PPP4R2: variants seen among roughly 807,000 people sequenced by gnomAD.
PPP4R2 encodes the protein protein phosphatase 4 regulatory subunit 2.
In PPP4R2, 13 loss-of-function variants were observed where a neutral mutation model predicts 47.2. The observed-to-expected ratio is 0.28, with a 90% CI of 0.18 to 0.44. PPP4R2 has a LOEUF of 0.44. PPP4R2 is among the 20% of genes least tolerant of loss of function. The pLI, the probability that PPP4R2 is intolerant of heterozygous loss-of-function variation, is 1.00. For synonymous variants in PPP4R2, 151 were observed against 163.3 expected, an observed-to-expected ratio of 0.92 and a Z score of 0.57; for missense variants, 421 against 491.2, an observed-to-expected ratio of 0.86 and a Z score of 1.35.
At chr3:73,042,922 A>G (rs1347350037) in intron 2 of PPP4R2, among the ~76,000 whole-genome samples, 1 of 152,164 alleles carries the variant, frequency 6.6e-6, no homozygotes, top group Non-Finnish European at 1.5e-5. Context: ...AGTGCCATAG[A>G]GTCTTTGAAT....
At position 72,996,846 on chromosome 3, in the gene PPP4R2, G is replaced by C. The variant is rs905546529; in HGVS notation, c.-192G>C. The C allele has an allele frequency of 9.9e-6, 4 of 402,314 alleles. No individual in the cohort carries two copies. The highest frequency in any genetic ancestry group is 8.9e-5 in the Admixed American group (2 of 22,534). The allele number at this position is 402,314 out of a possible 1,614,324, so 24.9% of individuals were successfully genotyped here. Reference sequence around the variant, plus strand: ...TTGGAGGGTTGGTGGTAGCGGCTTGGGGAGGTGCTCGCTCTGTCGGTCTTG... The same window carrying C: ...TTGGAGGGTTGGTGGTAGCGGCTTGCGGAGGTGCTCGCTCTGTCGGTCTTG... On this transcript the variant is annotated 5_prime_UTR_variant, in exon 1 of 9. Coordinates refer to ENST00000356692, the MANE Select transcript of PPP4R2 (RefSeq NM_174907.4).
chr3:73,022,701 AAT>A, intron 2 of PPP4R2, among the ~76,000 whole-genome samples: 1 of 152,172 alleles, frequency 6.6e-6, no homozygotes, highest in African/African-American at 2.4e-5. Flanking sequence ...TCCACATTTT[AAT>A]ATCTCTGAAA....
intron 2 of PPP4R2, among the ~76,000 whole-genome samples, chr3:73,040,499 A>ATTTTTTT (rs11342756): frequency 0.091 from 10,513 of 115,974 alleles, 362 homozygotes; most frequent in East Asian, 0.25. Context: ...ATGTGACCTA[A>ATTTTTTT]TTTTTTTTTT....
chr3:73,006,425 C>T (rs150856037), intron 2 of PPP4R2, among the ~76,000 whole-genome samples: 1 of 151,994 alleles, frequency 6.6e-6, no homozygotes, highest in Non-Finnish European at 1.5e-5. Flanking sequence ...CTCCTGACCT[C>T]GTAATCCACC....
At chr3:73,060,829 TTC>T (rs1702843051) in intron 4 of PPP4R2, among the ~76,000 whole-genome samples, 192 bp from the exon 5 acceptor site, 1 of 152,168 alleles carries the variant, frequency 6.6e-6, no homozygotes, top group African/African-American at 2.4e-5. Flanking sequence ...GAGTAGGATA[TTC>T]TCTTTTGGTC....
chr3:73,052,002 T>C (rs1439315243), intron 3 of PPP4R2, among the ~76,000 whole-genome samples: 1 of 152,152 alleles, frequency 6.6e-6, no homozygotes, highest in Admixed American at 6.6e-5. Flanking sequence ...TATAAGCTTC[T>C]GGAGAGCTGG....
At chr3:73,001,728 T>G (rs1701465633) in intron 2 of PPP4R2, among the ~76,000 whole-genome samples, 1 of 152,088 alleles carries the variant, frequency 6.6e-6, no homozygotes, top group African/African-American at 2.4e-5. Context: ...ATCCCCCACC[T>G]CCTGAGTTCA....
At chr3:73,047,152 T>C in intron 2 of PPP4R2, 34 bp from the exon 3 acceptor site, 1 of 1,208,080 alleles carries the variant, frequency 8.3e-7, no homozygotes, top group Non-Finnish European at 1.2e-6. Context: ...TGAAGCTACA[T>C]GGTATTATAT....
At chr3:73,027,793 AGGGTTAAGAGT>A (rs1702095516) in intron 2 of PPP4R2, 1 of 151,788 alleles carries the variant, frequency 6.6e-6, no homozygotes, top group Non-Finnish European at 1.5e-5. Context: ...AAGGGAAATG[AGGGTTAAGAGT>A]GGAGAATGTT....
intron 3 of PPP4R2, among the ~76,000 whole-genome samples, chr3:73,055,488 G>T (rs990509377): frequency 6.7e-6 from 1 of 149,168 alleles, no homozygotes; most frequent in East Asian, 1.9e-4. Context: ...AGCAAAGGTG[G>T]ATCCTTAATG....
chr3:73,000,036 T>A (rs1701427262), intron 2 of PPP4R2, among the ~76,000 whole-genome samples: 1 of 152,146 alleles, frequency 6.6e-6, no homozygotes, highest in African/African-American at 2.4e-5. Flanking sequence ...AAAATGAAAA[T>A]TTAAAGAACA....
rs1702641500 is a variant in PPP4R2, at chr3:73,052,637, C to A, written c.287+5281C>A. Among the ~76,000 whole-genome samples the A allele has an allele frequency of 2.0e-5, 3 of 152,014 alleles. No individual in the cohort carries two copies. The South Asian group carries it at 6.2e-4, about 32-fold the overall frequency. ...ACATTCCTGGCAGTTTTAAAAGATACCATTTTATGTTCTCTGAATTTTTCA... is the reference window on the plus strand; with the variant it reads ...ACATTCCTGGCAGTTTTAAAAGATAACATTTTATGTTCTCTGAATTTTTCA... On this transcript the variant is annotated intron_variant, in intron 3 of 8. Transcript: ENST00000356692.
At chr3:73,003,042 C>G (rs185667679) in intron 2 of PPP4R2, among the ~76,000 whole-genome samples, 1 of 151,940 alleles carries the variant, frequency 6.6e-6, no homozygotes, top group African/African-American at 2.4e-5. Flanking sequence ...CTGATTGTAA[C>G]CAACATTACA....
At chr3:73,042,303 G>A (rs935320780) in intron 2 of PPP4R2, among the ~76,000 whole-genome samples, 1 of 145,948 alleles carries the variant, frequency 6.9e-6, no homozygotes. Flanking sequence ...AATTGTTTTT[G>A]TTGCCAAGTT....
At chr3:73,034,771 A>C (rs1702232702) in intron 2 of PPP4R2, among the ~76,000 whole-genome samples, 3 of 152,010 alleles carry the variant, frequency 2.0e-5, no homozygotes. Context: ...GGGCTCAAGC[A>C]GTCTTCCTGC....
upstream of PPP4R2, chr3:72,996,753 C>A: frequency 3.2e-6 from 1 of 314,878 alleles, no homozygotes; most frequent in Non-Finnish European, 5.8e-6. Context: ...GGGTTCCGGG[C>A]CGGAGCGCGC....
At chr3:73,059,667 G>C (rs1702801949) in intron 4 of PPP4R2, among the ~76,000 whole-genome samples, 2 of 151,986 alleles carry the variant, frequency 1.3e-5, no homozygotes, top group Non-Finnish European at 1.5e-5. Context: ...GGCTGGGTGT[G>C]GTGGCTCATG....
At chr3:73,062,759 G>T (rs537569921) in intron 5 of PPP4R2, 1 of 1,613,986 alleles carries the variant, frequency 6.2e-7, no homozygotes, top group African/African-American at 1.3e-5. Context: ...CACATGGTGA[G>T]AGTGCTGATC....
At position 73,062,289 on chromosome 3, in the gene PPP4R2, C is replaced by T. The variant is rs370588670; in HGVS notation, c.419+1229C>T. ...AGATGACGCAATGGACAGGAGTGGGCTCCCTGACCTTCAAGGAAGATTTGA... is the reference window on the plus strand; with the variant it reads ...AGATGACGCAATGGACAGGAGTGGGTTCCCTGACCTTCAAGGAAGATTTGA... On this transcript the variant is annotated intron_variant, in intron 5 of 8. Coordinates refer to ENST00000356692, the MANE Select transcript of PPP4R2 (RefSeq NM_174907.4). 3 of 1,607,654 alleles carry T rather than the reference C, an allele frequency of 1.9e-6. No homozygotes were observed. Among genetic ancestry groups the T allele is most frequent in the East Asian group, 2.2e-5 (1 of 44,748 alleles).
Sources: allele counts gnomAD v4.1 joint callset (sites outside exome capture counted in the v4.1 genomes callset), GRCh38; gene constraint gnomAD v4.1.1; transcripts MANE v1.5; gene names NCBI Gene and HGNC (gene_info 2026-07-23, HGNC 2026-07-21).